The following ANKRD44 variants were observed in gnomAD, a reference collection of about 807,000 sequenced individuals.
The protein encoded by ANKRD44 is serine/threonine-protein phosphatase 6 regulatory ankyrin repeat subunit B.
In ANKRD44, 35 loss-of-function variants were observed where a neutral mutation model predicts 116.0. The observed-to-expected ratio is 0.30, with a 90% CI of 0.23 to 0.40. The LOEUF (loss-of-function observed/expected upper bound fraction) is 0.40. ANKRD44 is among the 10% of genes least tolerant of loss of function. The probability of loss-of-function intolerance (pLI) is 1.00; values close to 1 mark genes in which losing one functional copy is unlikely to be tolerated. For synonymous variants in ANKRD44, 435 were observed against 461.8 expected, an observed-to-expected ratio of 0.94 and a Z score of 0.74; for missense variants, 1,014 against 1,242.6, an observed-to-expected ratio of 0.82 and a Z score of 2.77.
intron 10 of ANKRD44, among the ~76,000 whole-genome samples, chr2:197,095,257 T>C (rs1414487536): frequency 6.6e-6 from 1 of 152,226 alleles, no homozygotes; most frequent in Non-Finnish European, 1.5e-5. Flanking sequence ...TCAGTGTCCA[T>C]GTTTGTACTG....
At chr2:197,174,317 A>T (rs1460333243) in intron 2 of ANKRD44, among the ~76,000 whole-genome samples, 4 of 152,200 alleles carry the variant, frequency 2.6e-5, no homozygotes, top group Non-Finnish European at 4.4e-5. Context: ...AGCCATGATT[A>T]AAAAGCTGTA....
chr2:197,219,459 T>C (rs972889475), intron 1 of ANKRD44, among the ~76,000 whole-genome samples: 1 of 152,188 alleles, frequency 6.6e-6, no homozygotes, highest in Non-Finnish European at 1.5e-5. Context: ...ATTGACCACT[T>C]CCAGAACATA....
intron 25 of ANKRD44, among the ~76,000 whole-genome samples, chr2:196,995,674 A>G (rs575284717): frequency 1.3e-5 from 2 of 152,204 alleles, no homozygotes; most frequent in Non-Finnish European, 2.9e-5. Context: ...CTTGGTTAAC[A>G]TAAGTCTGAT....
intron 1 of ANKRD44, among the ~76,000 whole-genome samples, chr2:197,246,064 G>C (rs1460448936): frequency 6.6e-6 from 1 of 152,196 alleles, no homozygotes; most frequent in Non-Finnish European, 1.5e-5. Flanking sequence ...CATGAGTCCT[G>C]ATGAAGACCA....
intron 1 of ANKRD44, among the ~76,000 whole-genome samples, chr2:197,190,827 T>C (rs1057259181): frequency 6.6e-6 from 1 of 152,226 alleles, no homozygotes; most frequent in Non-Finnish European, 1.5e-5. Context: ...AGAAGCAAAG[T>C]CCTACCTGCA....
intron 1 of ANKRD44, among the ~76,000 whole-genome samples, chr2:197,207,278 A>C (rs1286618100): frequency 2.6e-5 from 4 of 152,310 alleles, no homozygotes; most frequent in African/African-American, 7.2e-5. Context: ...TTGCAGTCCT[A>C]GTTCACCAAT....
intron 3 of ANKRD44, among the ~76,000 whole-genome samples, chr2:197,145,202 A>T (rs1328088968): frequency 6.6e-6 from 1 of 152,184 alleles, no homozygotes; most frequent in Non-Finnish European, 1.5e-5. Flanking sequence ...GAGGCAGAAG[A>T]ATCGCTTGAA....
intron 9 of ANKRD44, among the ~76,000 whole-genome samples, chr2:197,100,359 T>C (rs540775419): frequency 1.1e-4 from 16 of 151,982 alleles, no homozygotes; most frequent in Non-Finnish European, 2.2e-4. Flanking sequence ...CGCTTGGACC[T>C]GGGAGGCAGA....
intron 16 of ANKRD44, among the ~76,000 whole-genome samples, chr2:197,059,622 G>A (rs2077270300): frequency 6.6e-6 from 1 of 152,134 alleles, no homozygotes; most frequent in Admixed American, 6.6e-5. Context: ...TAAAACAGAT[G>A]GGAGAGACAG....
chr2:197,117,369 C>T (rs113106874), intron 8 of ANKRD44, among the ~76,000 whole-genome samples: 2 of 152,076 alleles, frequency 1.3e-5, no homozygotes, highest in South Asian at 2.1e-4. Flanking sequence ...CCTCCTGTGT[C>T]GCTGGGATTA....
intron 1 of ANKRD44, among the ~76,000 whole-genome samples, chr2:197,296,025 C>T (rs1198149024): frequency 1.3e-5 from 2 of 151,846 alleles, no homozygotes; most frequent in African/African-American, 4.8e-5. Context: ...GCCTAGGTGG[C>T]AGATTGAGAC....
chr2:197,079,164 A>G (rs1410371897), intron 15 of ANKRD44, among the ~76,000 whole-genome samples: 1 of 152,164 alleles, frequency 6.6e-6, no homozygotes, highest in Non-Finnish European at 1.5e-5. Context: ...CATGTTCAAC[A>G]AAGTCTCAAT....
chr2:197,283,671 T>G (rs1433080954), intron 1 of ANKRD44, among the ~76,000 whole-genome samples: 1 of 140,848 alleles, frequency 7.1e-6, no homozygotes, highest in Non-Finnish European at 1.7e-5. Flanking sequence ...GATGAGTTGT[T>G]TTTTTTTCAC....
At chr2:197,154,174 C>CTTTTTT (rs1034922629) in intron 2 of ANKRD44, among the ~76,000 whole-genome samples, 51 of 106,784 alleles carry the variant, frequency 4.8e-4, no homozygotes, top group South Asian at 9.0e-4. Context: ...TATCGGCTTT[C>CTTTTTT]TTTTTTTTTT....
chr2:197,087,532 A>T (rs983140826), intron 12 of ANKRD44, among the ~76,000 whole-genome samples: 2 of 152,208 alleles, frequency 1.3e-5, no homozygotes, highest in Non-Finnish European at 2.9e-5. Flanking sequence ...ATTGTCCATC[A>T]TTGTTCTAAA....
At chr2:197,094,347 A>G (rs2078113039) in intron 10 of ANKRD44, among the ~76,000 whole-genome samples, 1 of 152,238 alleles carries the variant, frequency 6.6e-6, no homozygotes, top group Non-Finnish European at 1.5e-5. Context: ...TCATGGAGCA[A>G]CTGTAAGGAC....
chr2:197,281,513 G>A (rs550985151), intron 1 of ANKRD44, among the ~76,000 whole-genome samples: 1 of 152,092 alleles, frequency 6.6e-6, no homozygotes, highest in Admixed American at 6.6e-5. Context: ...CTTGTATAAG[G>A]CATAAGTCCC....
At chr2:197,119,535 C>T (rs1330312949) in intron 8 of ANKRD44, among the ~76,000 whole-genome samples, 1 of 152,176 alleles carries the variant, frequency 6.6e-6, no homozygotes, top group Non-Finnish European at 1.5e-5. Flanking sequence ...GGCCGAGCCA[C>T]CACACTTGGC....
intron 1 of ANKRD44, among the ~76,000 whole-genome samples, chr2:197,218,839 A>G (rs2125719556): frequency 7.5e-6 from 1 of 134,006 alleles, no homozygotes; most frequent in South Asian, 2.3e-4. Flanking sequence ...GGCCCACTAC[A>G]ATCTCCGCCT....
Sources: gnomAD v4.1 joint callset for allele counts (sites outside exome capture counted in the v4.1 genomes callset) on GRCh38, gnomAD v4.1.1 for gene constraint, MANE v1.5 for transcripts, NCBI Gene and HGNC (gene_info 2026-07-23, HGNC 2026-07-21) for gene names.